The following FBXL14 variants were observed in gnomAD, a reference collection of about 807,000 sequenced individuals.
The protein encoded by FBXL14 is F-box/LRR-repeat protein 14.
In FBXL14, 11 loss-of-function variants were observed where a neutral mutation model predicts 24.5. The observed-to-expected ratio is 0.45, with a 90% CI of 0.28 to 0.74. The LOEUF (loss-of-function observed/expected upper bound fraction) is 0.74, where lower values mean the gene tolerates loss of function less well. FBXL14 is among the 30% of genes least tolerant of loss of function. The pLI, the probability that FBXL14 is intolerant of heterozygous loss-of-function variation, is 0.12. For missense variants in FBXL14, 384 were observed against 545.6 expected (o/e 0.70, Z 2.95); for synonymous variants, 294 against 240.4 (o/e 1.22, Z -2.06).
At chr12:1,574,089 C>T (rs1206696490) in intron 1 of FBXL14, among the ~76,000 whole-genome samples, 1 of 151,414 alleles carries the variant, frequency 6.6e-6, no homozygotes, top group East Asian at 1.9e-4. Context: ...TGAGAACTGG[C>T]AGGAGATGTA....
chr12:1,573,641 G>T (rs1323178081), intron 1 of FBXL14, among the ~76,000 whole-genome samples: 7 of 152,208 alleles, frequency 4.6e-5, no homozygotes, highest in Non-Finnish European at 1.5e-5. Context: ...GGGTGAGGAA[G>T]AGTTCTCCAG....
intron 1 of FBXL14, among the ~76,000 whole-genome samples, chr12:1,577,985 T>C (rs1381015030): frequency 6.6e-6 from 1 of 152,234 alleles, no homozygotes; most frequent in East Asian, 1.9e-4. Context: ...GAGAAGCTGA[T>C]ACTTCTTTTC....
intron 1 of FBXL14, among the ~76,000 whole-genome samples, chr12:1,591,810 G>C (rs991194873): frequency 2.6e-5 from 4 of 152,272 alleles, no homozygotes; most frequent in Admixed American, 2.6e-4. Flanking sequence ...GACCTTTTTG[G>C]GGGGAAACTT....
chr12:1,568,175 C>A (rs913185794), intron 1 of FBXL14, among the ~76,000 whole-genome samples: 3 of 152,248 alleles, frequency 2.0e-5, no homozygotes, highest in East Asian at 1.9e-4. Flanking sequence ...GTGAAAAAAA[C>A]ACATTACCTG....
chr12:1,576,597 T>C (rs1361312048), intron 1 of FBXL14, among the ~76,000 whole-genome samples: 2 of 152,116 alleles, frequency 1.3e-5, no homozygotes, highest in African/African-American at 2.4e-5. Context: ...CCCAACTATT[T>C]TCCCCCTAAA....
chr12:1,587,380 T>C (rs2094479129), intron 1 of FBXL14: 1 of 152,204 alleles, frequency 6.6e-6, no homozygotes. Flanking sequence ...GATTGTTTTA[T>C]TGGGAGTGGG....
intron 1 of FBXL14, among the ~76,000 whole-genome samples, chr12:1,592,370 G>C (rs1461738396): frequency 6.6e-6 from 1 of 151,892 alleles, no homozygotes; most frequent in Non-Finnish European, 1.5e-5. Flanking sequence ...GAAGAGACTG[G>C]GATTAGTTAC....
upstream of FBXL14, among the ~76,000 whole-genome samples, chr12:1,594,701 C>T (rs1245210564): frequency 2.7e-5 from 4 of 149,470 alleles, no homozygotes; most frequent in Non-Finnish European, 6.0e-5. Context: ...TGGGAGCTGC[C>T]GGCCCCCGCA....
intron 1 of FBXL14, among the ~76,000 whole-genome samples, chr12:1,589,466 C>A (rs1235495854): frequency 1.7e-4 from 10 of 57,470 alleles, no homozygotes; most frequent in African/African-American, 4.4e-4. Flanking sequence ...GACAGGAAGG[C>A]AGGAAGACAG....
Position 1,593,322 on chromosome 12 carries a change from G to T in FBXL14, c.745C>A (p.Leu249Met), listed in dbSNP as rs192581158. Reference protein sequence around the residue: ...GGISDAGLLHLSHMGSLRSLN... With the variant: ...GGISDAGLLHMSHMGSLRSLN... ...CTGCGCAGGCTGCCCATGTGCGACA[G>T]GTGCAGGAGGCCAGCGTCCGAGATT... The change falls in exon 1 of 2, where the codon CTG becomes ATG. Residue 249 changes from leucine to methionine, a missense_variant. Leu to Met is a conservative substitution (Grantham distance 15, BLOSUM62 2). Coordinates refer to ENST00000339235, the MANE Select transcript of FBXL14 (RefSeq NM_152441.3). This position sits in a 1 kb window ranked among gnomAD's most constrained non-coding sequence, Gnocchi z 7.4. The T allele has an allele frequency of 2.5e-6, 4 of 1,613,536 alleles. No individual in the cohort carries two copies. The East Asian group carries it at 8.9e-5, about 36-fold the overall frequency.
At chr12:1,588,820 T>C (rs1043992952) in intron 1 of FBXL14, among the ~76,000 whole-genome samples, 4 of 152,166 alleles carry the variant, frequency 2.6e-5, no homozygotes, top group Admixed American at 6.5e-5. Flanking sequence ...CTTTTAACTT[T>C]TGTACCACCA....
Position 1,594,528 on chromosome 12 carries a change from G to A in FBXL14, c.-462C>T, listed in dbSNP as rs1163301818. On this transcript the variant is annotated 5_prime_UTR_variant, in exon 1 of 2. Coordinates refer to ENST00000339235, the MANE Select transcript of FBXL14 (RefSeq NM_152441.3). ...AGGGGGCCCCGGGGGCCGGGCGCAC[G>A]GGCTCCGGGCGCGGAGGAGGCTTCC... Among the ~76,000 whole-genome samples, 1 of 147,664 alleles carries A rather than the reference G, an allele frequency of 6.8e-6. No individual in the cohort carries two copies. Among genetic ancestry groups the A allele is most frequent in the African/African-American group, 2.4e-5 (1 of 40,948 alleles).
rs1210382696 is a variant in FBXL14 at position 1,594,368 on chromosome 12, G to GGCC, written c.-305_-303dup. 7.9e-4 allele frequency among the ~76,000 whole-genome samples: 113 copies of GGCC among 143,026 alleles called. No individual in the cohort carries two copies. Among genetic ancestry groups the GGCC allele is most frequent in the Middle Eastern group, 3.6e-3 (1 of 274 alleles). The allele number at this position is 143,026 out of a possible 152,430, so 93.8% of individuals were successfully genotyped here. ...CGCCTCGCTCTCGCTCCCGGAGGCC[G>GGCC]GCCGCCGCCGCCGCCTCGGCTCTAC... On this transcript the variant is annotated 5_prime_UTR_variant, in exon 1 of 2. Coordinates refer to ENST00000339235, the MANE Select transcript of FBXL14 (RefSeq NM_152441.3).
Position 1,566,531 on chromosome 12 carries a change from C to T in FBXL14, c.*217G>A, listed in dbSNP as rs1223312611. On this transcript the variant is annotated 3_prime_UTR_variant, in exon 2 of 2. Coordinates refer to ENST00000339235, the MANE Select transcript of FBXL14 (RefSeq NM_152441.3). ...AGTCTCCTTGGATCCATAAAGGAAG[C>T]GAGGTCTCAGAGCAAACCACTGTCC... is the stretch of plus-strand genomic sequence containing the variant. 2 of 453,664 alleles carry T rather than the reference C, an allele frequency of 4.4e-6. No individual in the cohort carries two copies. The highest frequency in any genetic ancestry group is 3.4e-5 in the East Asian group (1 of 29,202). 28.1% of individuals were successfully genotyped at this position (453,664 alleles called of 1,614,324 possible).
chr12:1,577,998 C>T (rs567696866), intron 1 of FBXL14, among the ~76,000 whole-genome samples: 1 of 152,260 alleles, frequency 6.6e-6, no homozygotes, highest in Admixed American at 6.5e-5. Flanking sequence ...TTCTTTTCTC[C>T]GTGGATTCAG....
intron 1 of FBXL14, among the ~76,000 whole-genome samples, chr12:1,572,562 C>T (rs779627846): frequency 6.6e-5 from 10 of 152,148 alleles, no homozygotes; most frequent in East Asian, 1.9e-4. Context: ...CCAGAGAGGC[C>T]GTGGTCTATC....
At chr12:1,573,782 A>G (rs984324145) in intron 1 of FBXL14, among the ~76,000 whole-genome samples, 1 of 152,240 alleles carries the variant, frequency 6.6e-6, no homozygotes, top group Non-Finnish European at 1.5e-5. Context: ...AGGCGGGCGG[A>G]TCACCTGAGG....
At chr12:1,578,171 T>C (rs1199922592) in intron 1 of FBXL14, among the ~76,000 whole-genome samples, 1 of 152,238 alleles carries the variant, frequency 6.6e-6, no homozygotes, top group Non-Finnish European at 1.5e-5. Context: ...ATGTTCATCT[T>C]GTTTTTTGAA....
rs1022744000 is a variant in FBXL14, at chr12:1,567,114, C to T, written c.1195-304G>A. ...CCGCACACTCACGGCCTCTTTACAG[C>T]AGCTGCCTTTACCCGGTCACAGCCA... is the stretch of plus-strand genomic sequence containing the variant. On this transcript the variant is annotated intron_variant, in intron 1 of 1. Coordinates refer to ENST00000339235, the MANE Select transcript of FBXL14 (RefSeq NM_152441.3). This position sits in a 1 kb window ranked among gnomAD's most constrained non-coding sequence, Gnocchi z 4.8. Among the ~76,000 whole-genome samples the T allele has an allele frequency of 2.6e-5, 4 of 152,132 alleles. No individual in the cohort carries two copies. Among genetic ancestry groups the T allele is most frequent in the Non-Finnish European group, 5.9e-5 (4 of 68,036 alleles).
Sources: gnomAD v4.1 joint callset for allele counts (sites outside exome capture counted in the v4.1 genomes callset) on GRCh38, gnomAD v4.1.1 for gene constraint, Gnocchi (gnomAD v3.1) non-coding constraint, MANE v1.5 for transcripts, NCBI Gene and HGNC (gene_info 2026-07-23, HGNC 2026-07-21) for gene names.